Variants in DGKB observed in about 807,000 individuals in gnomAD.
The protein encoded by DGKB is 90 kDa diacylglycerol kinase.
In DGKB, 67 loss-of-function variants were observed where a neutral mutation model predicts 114.3. The ratio of observed to expected loss-of-function variants is 0.59; its 90% CI spans 0.48 to 0.72. The LOEUF is 0.72. DGKB is among the 30% of genes least tolerant of loss of function. The probability of loss-of-function intolerance (pLI) is 0.00; values close to 1 mark genes in which losing one functional copy is unlikely to be tolerated. For synonymous variants in DGKB, 398 were observed against 323.1 expected, an observed-to-expected ratio of 1.23 and a Z score of -2.49; for missense variants, 907 against 975.2, an observed-to-expected ratio of 0.93 and a Z score of 0.93.
chr7:14,283,702 T>C, intron 23 of DGKB, among the ~76,000 whole-genome samples: 1 of 151,988 alleles, frequency 6.6e-6, no homozygotes, highest in Non-Finnish European at 1.5e-5. Context: ...CCCTGAGAAA[T>C]AACGCTGCAT....
chr7:14,635,054 C>G (rs1810474515), intron 13 of DGKB, among the ~76,000 whole-genome samples: 1 of 151,432 alleles, frequency 6.6e-6, no homozygotes, highest in African/African-American at 2.4e-5. Context: ...TAAGATGTAA[C>G]TATAAAAATA....
intron 1 of DGKB, among the ~76,000 whole-genome samples, chr7:14,952,486 G>T (rs911751018): frequency 4.0e-5 from 6 of 151,806 alleles, no homozygotes; most frequent in Non-Finnish European, 8.8e-5. Context: ...TTAATATAGT[G>T]ATTCTAAAAT....
intron 23 of DGKB, among the ~76,000 whole-genome samples, chr7:14,297,709 A>G (rs968093924): frequency 1.3e-5 from 2 of 152,186 alleles, no homozygotes; most frequent in African/African-American, 4.8e-5. Flanking sequence ...GGCCAGGGCA[A>G]TCAGGCAAGA....
intron 25 of DGKB, among the ~76,000 whole-genome samples, chr7:14,150,363 C>T (rs1240897652): frequency 1.3e-5 from 2 of 152,052 alleles, no homozygotes; most frequent in African/African-American, 4.8e-5. Context: ...AAATGAATAT[C>T]CTTCACTTGT....
intron 23 of DGKB, among the ~76,000 whole-genome samples, chr7:14,231,820 T>C (rs572283816): frequency 1.3e-5 from 2 of 152,142 alleles, no homozygotes; most frequent in Admixed American, 6.6e-5. Flanking sequence ...GTAAGTTGAA[T>C]TGATGTGAAG....
intron 4 of DGKB, among the ~76,000 whole-genome samples, chr7:14,752,993 G>A (rs1489277779): frequency 6.6e-6 from 1 of 152,118 alleles, no homozygotes; most frequent in Non-Finnish European, 1.5e-5. Flanking sequence ...TGAAATGGAG[G>A]CTAGTAAATC....
rs146388319 is a variant in DGKB at position 14,426,412 on chromosome 7, G to C, written c.1835+51749C>G. Among the ~76,000 whole-genome samples, 15 of 152,210 alleles carry C rather than the reference G, an allele frequency of 9.9e-5. No individual in the cohort carries two copies. The East Asian group carries it at 2.7e-3, about 27-fold the overall frequency. On this transcript the variant is annotated intron_variant, in intron 21 of 25. Coordinates refer to ENST00000402815, the MANE Select transcript of DGKB (RefSeq NM_001350709.2). ...TTCATGTGTGCTTAGCCTACCAAGG[G>C]GGATCAGCAAATGTTTGCTGAATGG...
At chr7:14,177,045 C>T (rs1340537848) in intron 24 of DGKB, 146 bp from the exon 25 acceptor site, 1 of 789,974 alleles carries the variant, frequency 1.3e-6, no homozygotes, top group African/African-American at 1.7e-5. Flanking sequence ...AGCTTCAACT[C>T]TCCACTATTA....
intron 21 of DGKB, among the ~76,000 whole-genome samples, chr7:14,452,723 T>G (rs1486601496): frequency 6.6e-6 from 1 of 152,088 alleles, no homozygotes; most frequent in African/African-American, 2.4e-5. Context: ...ATAAGCTAAT[T>G]TACAATCATG....
chr7:14,917,314 A>G (rs1208607559), intron 1 of DGKB, among the ~76,000 whole-genome samples: 1 of 152,068 alleles, frequency 6.6e-6, no homozygotes, highest in African/African-American at 2.4e-5. Context: ...CATGAAATCA[A>G]TAGCAAAAAA....
At chr7:14,320,680 G>C (rs1027200636) in intron 23 of DGKB, among the ~76,000 whole-genome samples, 1 of 151,822 alleles carries the variant, frequency 6.6e-6, no homozygotes, top group African/African-American at 2.4e-5. Context: ...TTGCATTTCA[G>C]ATTGACCTAT....
At chr7:14,219,825 T>A (rs1789626533) in intron 23 of DGKB, among the ~76,000 whole-genome samples, 1 of 151,324 alleles carries the variant, frequency 6.6e-6, no homozygotes, top group Admixed American at 6.6e-5. Flanking sequence ...GCTGTTGGCA[T>A]CATATATGAG....
chr7:14,263,198 C>A (rs180684483), intron 23 of DGKB, among the ~76,000 whole-genome samples: 1 of 152,034 alleles, frequency 6.6e-6, no homozygotes, highest in Non-Finnish European at 1.5e-5. Flanking sequence ...TCTATGTGCC[C>A]GAGTAAACTG....
chr7:14,651,492 C>T (rs796508122), intron 13 of DGKB, among the ~76,000 whole-genome samples: 8 of 138,980 alleles, frequency 5.8e-5, no homozygotes, highest in African/African-American at 1.3e-4. Context: ...ATTGATGGGA[C>T]GTATCTCAAA....
At chr7:14,162,274 G>T (rs778778847) in intron 25 of DGKB, among the ~76,000 whole-genome samples, 1 of 152,130 alleles carries the variant, frequency 6.6e-6, no homozygotes, top group Admixed American at 6.5e-5. Flanking sequence ...TCAAACCTGT[G>T]CATTATTATT....
chr7:14,360,780 G>A lies in DGKB; in HGVS notation c.1836-15389C>T, dbSNP rs148511463. On this transcript the variant is annotated intron_variant, in intron 21 of 25. Transcript: ENST00000402815. ...CAAAGCAATCTCAAAATGCAACATA[G>A]GGAGTTCAACATGTGAGAAAAAAGG... 6.0e-3 allele frequency among the ~76,000 whole-genome samples: 906 copies of A among 152,090 alleles called. 6 individuals carry two copies. Among genetic ancestry groups the A allele is most frequent in the African/African-American group, 0.02 (826 of 41,494 alleles).
At chr7:14,315,430 G>A (rs1178036181) in intron 23 of DGKB, among the ~76,000 whole-genome samples, 2 of 150,914 alleles carry the variant, frequency 1.3e-5, no homozygotes, top group Non-Finnish European at 3.0e-5. Flanking sequence ...ATAAAAGGAT[G>A]GAGGAAGATC....
intron 4 of DGKB, among the ~76,000 whole-genome samples, chr7:14,740,262 G>A (rs2128410332): frequency 6.7e-6 from 1 of 148,946 alleles, no homozygotes. Flanking sequence ...TTCTCCACAA[G>A]GTCAGGAGTT....
At chr7:14,629,623 G>C (rs1809313632) in intron 14 of DGKB, among the ~76,000 whole-genome samples, 1 of 152,060 alleles carries the variant, frequency 6.6e-6, no homozygotes, top group Admixed American at 6.6e-5. Context: ...GAACAATGTG[G>C]AGGCTTTGCA....
Sources: allele counts gnomAD v4.1 joint callset (sites outside exome capture counted in the v4.1 genomes callset), GRCh38; gene constraint gnomAD v4.1.1; transcripts MANE v1.5; gene names NCBI Gene and HGNC (gene_info 2026-07-23, HGNC 2026-07-21).